The following QKI variants were observed in gnomAD, a reference collection of about 807,000 sequenced individuals.
QKI encodes the protein QKI, KH domain containing RNA binding.
In QKI, 10 loss-of-function variants were observed where a neutral mutation model predicts 39.0. That is an observed-to-expected ratio of 0.26 (90% CI 0.16 to 0.43). The LOEUF is 0.43. Among genes scored for constraint, QKI ranks in the 20% least tolerant of loss-of-function variants. The probability of loss-of-function intolerance (pLI) is 1.00; values close to 1 mark genes in which losing one functional copy is unlikely to be tolerated. For synonymous variants in QKI, 204 were observed against 155.4 expected, an observed-to-expected ratio of 1.31 and a Z score of -2.33; for missense variants, 218 against 428.0, an observed-to-expected ratio of 0.51 and a Z score of 4.33.
At chr6:163,504,961 C>T (rs1562494521) in intron 3 of QKI, among the ~76,000 whole-genome samples, 1 of 152,166 alleles carries the variant, frequency 6.6e-6, no homozygotes, top group Non-Finnish European at 1.5e-5. Flanking sequence ...TCTTTGCCTT[C>T]TGAAAACCAT....
intron 3 of QKI, among the ~76,000 whole-genome samples, chr6:163,532,049 C>T (rs1300197572): frequency 6.6e-6 from 1 of 152,148 alleles, no homozygotes; most frequent in Non-Finnish European, 1.5e-5. Flanking sequence ...GTGTTTTACA[C>T]CTTAAAAATG....
chr6:163,480,638 A>G (rs1793007192), intron 3 of QKI, among the ~76,000 whole-genome samples: 3 of 152,282 alleles, frequency 2.0e-5, no homozygotes, highest in South Asian at 4.1e-4. Context: ...TCCTTGAGCA[A>G]TTTTAGATGT....
At chr6:163,415,446 C>T (rs1787366804) in intron 1 of QKI, 111 bp downstream of exon 1, 7 of 1,094,238 alleles carry the variant, frequency 6.4e-6, no homozygotes, top group South Asian at 3.5e-5. Flanking sequence ...GGACCGAGCG[C>T]CGGGGGGACT....
chr6:163,569,081 C>A (rs1583236945), intron 7 of QKI: 1 of 948,426 alleles, frequency 1.1e-6, no homozygotes, highest in Non-Finnish European at 1.3e-6. Context: ...TGAGTAACAT[C>A]AAAAATGCTT....
At chr6:163,449,235 A>G (rs945074387) in intron 1 of QKI, among the ~76,000 whole-genome samples, 1 of 152,142 alleles carries the variant, frequency 6.6e-6, no homozygotes, top group Admixed American at 6.5e-5. Flanking sequence ...CATAAAATGT[A>G]TTTTATGTAT....
chr6:163,548,272 A>G (rs1288316742), intron 4 of QKI, among the ~76,000 whole-genome samples: 1 of 152,198 alleles, frequency 6.6e-6, no homozygotes, highest in Non-Finnish European at 1.5e-5. Context: ...CCTTGCACAT[A>G]CATAGAAAGT....
At chr6:163,561,952 G>A (rs780541122) in intron 4 of QKI, 30 bp from the exon 5 acceptor site, 1 of 1,560,244 alleles carries the variant, frequency 6.4e-7, no homozygotes, top group African/African-American at 1.4e-5. Flanking sequence ...AGTCTCAAAT[G>A]CTTTCATCTC....
chr6:163,551,032 A>C (rs2128246341), intron 4 of QKI, among the ~76,000 whole-genome samples: 1 of 151,844 alleles, frequency 6.6e-6, no homozygotes, highest in Admixed American at 6.5e-5. Context: ...TGTGAATGTT[A>C]TCTAATTCAT....
At chr6:163,559,753 C>A (rs894810379) in intron 4 of QKI, among the ~76,000 whole-genome samples, 1 of 152,122 alleles carries the variant, frequency 6.6e-6, no homozygotes, top group African/African-American at 2.4e-5. Context: ...TTATAGTATA[C>A]CATTCACCAT....
At chr6:163,469,061 T>G (rs1238518931) in intron 2 of QKI, among the ~76,000 whole-genome samples, 1 of 151,974 alleles carries the variant, frequency 6.6e-6, no homozygotes, top group East Asian at 1.9e-4. Context: ...TTTTTTAAGG[T>G]TAGTAAAATT....
At chr6:163,493,284 C>A (rs1274789023) in intron 3 of QKI, among the ~76,000 whole-genome samples, 1 of 152,034 alleles carries the variant, frequency 6.6e-6, no homozygotes, top group South Asian at 2.1e-4. Flanking sequence ...GCGCATGCCA[C>A]CACTCCCAGC....
intron 2 of QKI, chr6:163,457,644 T>C (rs1791019778): frequency 3.0e-6 from 1 of 331,522 alleles, no homozygotes; most frequent in African/African-American, 2.2e-5. Context: ...ATTTTTTTTT[T>C]TTTTTTTGGA....
intron 3 of QKI, among the ~76,000 whole-genome samples, chr6:163,479,506 G>C (rs1792900341): frequency 6.6e-6 from 1 of 151,978 alleles, no homozygotes; most frequent in South Asian, 2.1e-4. Context: ...TGAGTAGCTG[G>C]GATTACAGGC....
chr6:163,446,777 GTGAA>G (rs1382596205), intron 1 of QKI, among the ~76,000 whole-genome samples: 3 of 152,154 alleles, frequency 2.0e-5, no homozygotes, highest in Non-Finnish European at 2.9e-5. Context: ...TTTTTCAAAA[GTGAA>G]TGAAGGCCCT....
chr6:163,444,272 A>C (rs1191300325), intron 1 of QKI, among the ~76,000 whole-genome samples: 5 of 152,170 alleles, frequency 3.3e-5, no homozygotes, highest in Non-Finnish European at 5.9e-5. Context: ...GGAAGCCATA[A>C]ATGTGATGTG....
intron 1 of QKI, among the ~76,000 whole-genome samples, chr6:163,433,308 G>A (rs1022113753): frequency 5.3e-5 from 8 of 152,136 alleles, no homozygotes; most frequent in Admixed American, 3.9e-4. Context: ...CTGAGAAGGG[G>A]GAAGGAGTGA....
intron 3 of QKI, among the ~76,000 whole-genome samples, chr6:163,527,963 A>G (rs138379739): frequency 2.4e-4 from 37 of 152,254 alleles, no homozygotes; most frequent in Middle Eastern, 3.4e-3. Flanking sequence ...CTTTTTGTAT[A>G]TATGTATCAT....
intron 2 of QKI, among the ~76,000 whole-genome samples, chr6:163,463,163 TTAACAA>T (rs1477276249): frequency 1.3e-5 from 2 of 152,196 alleles, no homozygotes; most frequent in African/African-American, 4.8e-5. Context: ...TTTTGAAAGA[TTAACAA>T]TAATGAGAAA....
intron 2 of QKI, among the ~76,000 whole-genome samples, chr6:163,471,285 A>G (rs1737604): frequency 0.82 from 124,801 of 152,044 alleles, 51,544 homozygotes; most frequent in East Asian, 1. Context: ...ATAAGGAAAA[A>G]TGGAGAGAGT....
Sources: gnomAD v4.1 joint callset for allele counts (sites outside exome capture counted in the v4.1 genomes callset) on GRCh38, gnomAD v4.1.1 for gene constraint, MANE v1.5 for transcripts, NCBI Gene and HGNC (gene_info 2026-07-23, HGNC 2026-07-21) for gene names.